PARP15: variants seen among roughly 807,000 people sequenced by gnomAD.
PARP15 encodes poly(ADP-ribose) polymerase family member 15.
PARP15 carries 50 observed loss-of-function variants against 62.1 expected under a neutral mutation model. That is an observed-to-expected ratio of 0.81 (90% CI 0.64 to 1.02). PARP15 has a LOEUF of 1.02. Ranked by LOEUF, PARP15 falls within the 50% of genes least tolerant of loss-of-function variation. PARP15 has a pLI of 0.00. For missense variants in PARP15, 820 were observed against 826.5 expected, an observed-to-expected ratio of 0.99 and a Z score of 0.10; for synonymous variants, 309 against 293.1, an observed-to-expected ratio of 1.05 and a Z score of -0.55.
At chr3:122,600,809 A>G (rs1934729236) in intron 1 of PARP15, among the ~76,000 whole-genome samples, 1 of 151,172 alleles carries the variant, frequency 6.6e-6, no homozygotes. Flanking sequence ...TTTTTTAAGG[A>G]AAGGACTTTG....
chr3:122,627,869 A>T (rs1018816530), intron 9 of PARP15, among the ~76,000 whole-genome samples: 2 of 152,258 alleles, frequency 1.3e-5, no homozygotes, highest in African/African-American at 4.8e-5. Context: ...ACATGAATAT[A>T]ATAGTTGGAT....
At chr3:122,588,008 C>G (rs1256619767) in intron 1 of PARP15, among the ~76,000 whole-genome samples, 1 of 152,016 alleles carries the variant, frequency 6.6e-6, no homozygotes, top group East Asian at 1.9e-4. Flanking sequence ...GATAACACTT[C>G]TTTTTATCAG....
chr3:122,632,371 CA>C lies in PARP15; in HGVS notation c.1572+153del, dbSNP rs1576550837. The stretch of plus-strand genomic sequence containing the variant: ...CTCAAGTTCCATAGACTTCAAATCT[CA>C]TAGTTTATTCATTAGCAGTAATGAA... On this transcript the variant is annotated intron_variant, in intron 10 of 11. Coordinates refer to ENST00000464300, the MANE Select transcript of PARP15 (RefSeq NM_001113523.3). The C allele has an allele frequency of 5.3e-6, 4 of 756,358 alleles. No individual in the cohort carries two copies. In the East Asian group the frequency reaches 1.1e-4, roughly 21 times the overall value. The allele number at this position is 756,358 out of a possible 1,614,324, so 46.9% of individuals were successfully genotyped here.
intron 9 of PARP15, among the ~76,000 whole-genome samples, chr3:122,629,221 G>A (rs138788273): frequency 1.3e-5 from 2 of 152,094 alleles, no homozygotes; most frequent in Non-Finnish European, 2.9e-5. Context: ...GGAGTGCAGT[G>A]GTGCAATCTT....
At chr3:122,594,862 A>C (rs1363777243) in intron 1 of PARP15, 2 of 982,586 alleles carry the variant, frequency 2.0e-6, no homozygotes, top group African/African-American at 3.5e-5. Context: ...ATGCCACTTG[A>C]TGGTGAATGT....
intron 1 of PARP15, among the ~76,000 whole-genome samples, chr3:122,589,051 C>A (rs1933667430): frequency 6.6e-6 from 1 of 152,168 alleles, no homozygotes; most frequent in South Asian, 2.1e-4. Context: ...TTGTCTCAGT[C>A]AGCTTGGGCT....
rs1936352157 is a variant in PARP15 at position 122,621,618 on chromosome 3, A to G, written c.1231+7A>G. 1 of 1,574,168 alleles carries G rather than the reference A, an allele frequency of 6.4e-7. No homozygotes were observed. Among genetic ancestry groups the G allele is most frequent in the Admixed American group, 2.0e-5 (1 of 49,970 alleles). On this transcript the variant is annotated splice_region_variant and intron_variant, in intron 8 of 11. Coordinates refer to ENST00000464300, the MANE Select transcript of PARP15 (RefSeq NM_001113523.3). The stretch of plus-strand genomic sequence containing the variant: ...CTTCCAGCCATTGGAACAGGTTTGC[A>G]GCTTATCATTCTATAATAAAATTTG...
At chr3:122,625,790 C>T (rs146816370) in intron 8 of PARP15, among the ~76,000 whole-genome samples, 35 of 152,314 alleles carry the variant, frequency 2.3e-4, no homozygotes, top group Admixed American at 1.2e-3. Context: ...TTCAGCCCCC[C>T]GTCCATGGCT....
chr3:122,610,806 T>A (rs1935512330), intron 3 of PARP15, 76 bp downstream of exon 3: 1 of 1,310,092 alleles, frequency 7.6e-7, no homozygotes, highest in East Asian at 2.6e-5. Context: ...AGATCTGTGC[T>A]CAAGGGAAGC....
chr3:122,601,044 T>TTTTTCTTTTC (rs1553729053), intron 1 of PARP15, among the ~76,000 whole-genome samples: 1 of 135,456 alleles, frequency 7.4e-6, no homozygotes, highest in African/African-American at 3.1e-5. Flanking sequence ...TGGTTTTTTT[T>TTTTTCTTTTC]TTTTTTTTTT....
chr3:122,626,176 G>A (rs1187811279), intron 8 of PARP15, among the ~76,000 whole-genome samples: 2 of 150,778 alleles, frequency 1.3e-5, no homozygotes, highest in Non-Finnish European at 1.5e-5. Flanking sequence ...TGTATGATTG[G>A]TAATGCAGCA....
At chr3:122,634,201 C>G (rs766257688) in intron 10 of PARP15, among the ~76,000 whole-genome samples, 1 of 152,194 alleles carries the variant, frequency 6.6e-6, no homozygotes, top group Non-Finnish European at 1.5e-5. Flanking sequence ...CTTCCCCAGA[C>G]ACAGGTTATC....
intron 1 of PARP15, among the ~76,000 whole-genome samples, chr3:122,580,791 T>C (rs1052472905): frequency 2.6e-5 from 4 of 152,228 alleles, no homozygotes; most frequent in African/African-American, 9.6e-5. Context: ...TTTTGGCTAT[T>C]GTGACTAATA....
At chr3:122,625,658 G>C (rs374876176) in intron 8 of PARP15, among the ~76,000 whole-genome samples, 1 of 152,302 alleles carries the variant, frequency 6.6e-6, no homozygotes, top group South Asian at 2.1e-4. Context: ...GACGCTGCCA[G>C]GTATGGAAGG....
In PARP15 at chr3:122,621,464, T is replaced by A; in HGVS notation, c.1084T>A (p.Phe362Ile). The A allele has an allele frequency of 6.2e-7, 1 of 1,612,022 alleles. No homozygotes were observed. The highest frequency in any genetic ancestry group is 8.5e-7 in the Non-Finnish European group (1 of 1,179,472). Residue 362 changes from phenylalanine (F) to isoleucine (I), a missense_variant, in exon 8 of 12, where the codon TTT becomes ATT. Around this residue, in one of 3 missense-constraint regions of PARP15, gnomAD observed 731 missense variants for 727.7 expected, o/e 1.00. Transcript: ENST00000464300. Reference sequence around the variant, plus strand: ...TTCAGCTGCACAGCCTCACAGAGATTTTATAATTACACCAGGTGGATGCTT... The same window carrying A: ...TTCAGCTGCACAGCCTCACAGAGATATTATAATTACACCAGGTGGATGCTT... ...AVLAAQPHRD[F>I]IITPGGCLKC...
chr3:122,596,376 A>G (rs1055454612), intron 1 of PARP15, among the ~76,000 whole-genome samples: 21 of 150,830 alleles, frequency 1.4e-4, no homozygotes, highest in African/African-American at 4.6e-4. Context: ...AAAAAAAAAA[A>G]AAAAGCATAA....
intron 10 of PARP15, among the ~76,000 whole-genome samples, chr3:122,632,501 G>A (rs1449152460): frequency 6.6e-6 from 1 of 152,162 alleles, no homozygotes; most frequent in East Asian, 1.9e-4. Context: ...GGAAATTAAT[G>A]GAAAGTCCCA....
At chr3:122,617,531 T>G (rs1197658887) in intron 6 of PARP15, among the ~76,000 whole-genome samples, 2 of 152,212 alleles carry the variant, frequency 1.3e-5, no homozygotes, top group Non-Finnish European at 2.9e-5. Flanking sequence ...ATTTTTACTT[T>G]CCTGTTTATG....
chr3:122,595,850 C>T (rs1172927494), intron 1 of PARP15, among the ~76,000 whole-genome samples: 5 of 151,748 alleles, frequency 3.3e-5, no homozygotes, highest in African/African-American at 1.2e-4. Context: ...CATTTTTATT[C>T]TTCTTTTCTC....
Sources: allele counts gnomAD v4.1 joint callset (sites outside exome capture counted in the v4.1 genomes callset), GRCh38; gene constraint gnomAD v4.1.1; regional missense constraint gnomAD v4.1.1; transcripts MANE v1.5; gene names NCBI Gene and HGNC (gene_info 2026-07-23, HGNC 2026-07-21).